Variants in CCDC18 observed in about 807,000 individuals in gnomAD.
The protein encoded by CCDC18 is coiled-coil domain containing 18, also known as coiled-coil domain-containing protein 18.
Under a neutral mutation model 196.0 loss-of-function variants are expected in CCDC18, and 157 were observed. That is an observed-to-expected ratio of 0.80 (90% confidence interval 0.70 to 0.91). The LOEUF (loss-of-function observed/expected upper bound fraction) is 0.91, where lower values mean the gene tolerates loss of function less well. Among genes scored for constraint, CCDC18 ranks in the 40% least tolerant of loss-of-function variants. CCDC18 has a pLI of 0.00. For missense variants in CCDC18, 1,465 were observed against 1,611.6 expected (o/e 0.91, Z 1.56); for synonymous variants, 482 against 529.2 (o/e 0.91, Z 1.22).
chr1:93,221,847 T>A lies in CCDC18; in HGVS notation c.2098-12T>A. On this transcript the variant is annotated splice_polypyrimidine_tract_variant and intron_variant, in intron 15 of 28. Coordinates refer to ENST00000690025, the MANE Select transcript of CCDC18 (RefSeq NM_001378204.1). The stretch of plus-strand genomic sequence containing the variant: ...CAAATCTGCATACTTATACTTTTCT[T>A]ACTGTTTTTAGGAAATGAAAAAGGA... 4 of 1,591,580 alleles carry A rather than the reference T, an allele frequency of 2.5e-6. No individual in the cohort carries two copies. The highest frequency in any genetic ancestry group is 8.6e-7 in the Non-Finnish European group (1 of 1,167,792).
At chr1:93,271,446 T>C in intron 28 of CCDC18, 3 of 985,348 alleles carry the variant, frequency 3.0e-6, no homozygotes, top group Non-Finnish European at 3.6e-6. Flanking sequence ...GCCTTTAATA[T>C]GCTTGCCTGT....
chr1:93,181,240 G>T (rs1364265041), intron 1 of CCDC18, among the ~76,000 whole-genome samples: 1 of 118,160 alleles, frequency 8.5e-6, no homozygotes, highest in Non-Finnish European at 1.6e-5. Flanking sequence ...TGTAAGATTA[G>T]CTGTGTCAAG....
At chr1:93,215,062 G>A in intron 12 of CCDC18, 96 bp downstream of exon 12, 1 of 720,010 alleles carries the variant, frequency 1.4e-6, no homozygotes, top group East Asian at 3.0e-5. Flanking sequence ...TTTACATCCA[G>A]ATTTAAAGTT....
At chr1:93,234,155 CT>C (rs66491830) in intron 18 of CCDC18, among the ~76,000 whole-genome samples, 12,323 of 151,440 alleles carry the variant, frequency 0.081, 1,638 homozygotes, top group African/African-American at 0.28. Context: ...AACAAGTTCA[CT>C]TTTTTTTCTT....
At chr1:93,232,958 G>A (rs1659474916) in intron 18 of CCDC18, among the ~76,000 whole-genome samples, 1 of 151,938 alleles carries the variant, frequency 6.6e-6, no homozygotes, top group Non-Finnish European at 1.5e-5. Flanking sequence ...GCGACAGAGT[G>A]AGACTCCGCC....
At chr1:93,261,633 G>A (rs1217019229) in intron 26 of CCDC18, among the ~76,000 whole-genome samples, 7 of 151,862 alleles carry the variant, frequency 4.6e-5, no homozygotes, top group Non-Finnish European at 1.0e-4. Flanking sequence ...AGCAAGACAT[G>A]GTCCCCCAAG....
chr1:93,236,202 A>G (rs757775718), intron 18 of CCDC18, 46 bp from the exon 19 acceptor site: 10 of 1,485,380 alleles, frequency 6.7e-6, no homozygotes, highest in Middle Eastern at 1.7e-4. Context: ...TTATAAAAGT[A>G]TTTTTCTTCT....
At chr1:93,240,548 G>A (rs1660628789) in intron 21 of CCDC18, among the ~76,000 whole-genome samples, 1 of 152,156 alleles carries the variant, frequency 6.6e-6, no homozygotes, top group Non-Finnish European at 1.5e-5. Context: ...TGTAAAATGT[G>A]AAATAAAAGA....
chr1:93,261,185 T>C (rs993856831), intron 26 of CCDC18, among the ~76,000 whole-genome samples: 2 of 152,254 alleles, frequency 1.3e-5, no homozygotes, highest in African/African-American at 2.4e-5. Context: ...ATCAACAGTA[T>C]TTTTTAATAT....
chr1:93,180,545 C>T (rs1487291193), upstream of CCDC18: 3 of 1,492,760 alleles, frequency 2.0e-6, no homozygotes, highest in African/African-American at 1.4e-5. Flanking sequence ...CTTCCCCCAC[C>T]AATGGGCATC....
At chr1:93,268,116 A>C (rs961273411) in intron 27 of CCDC18, among the ~76,000 whole-genome samples, 3 of 152,176 alleles carry the variant, frequency 2.0e-5, no homozygotes, top group Admixed American at 2.0e-4. Context: ...CTCAGAAATA[A>C]CACCACACAT....
intron 25 of CCDC18, among the ~76,000 whole-genome samples, chr1:93,257,253 A>AC (rs977773757): frequency 1.3e-5 from 2 of 149,524 alleles, no homozygotes; most frequent in African/African-American, 2.5e-5. Context: ...AAAAAAAAAA[A>AC]AAAAAACATG....
intron 14 of CCDC18, among the ~76,000 whole-genome samples, chr1:93,221,089 A>G (rs1266466747): frequency 2.0e-5 from 3 of 152,244 alleles, no homozygotes; most frequent in East Asian, 3.8e-4. Flanking sequence ...TGCAATGAAC[A>G]TACACATGCA....
At chr1:93,245,474 T>A (rs1661387077) in intron 21 of CCDC18, among the ~76,000 whole-genome samples, 1 of 152,166 alleles carries the variant, frequency 6.6e-6, no homozygotes, top group African/African-American at 2.4e-5. Flanking sequence ...ATTTTCAACC[T>A]TTGTCTTATC....
At chr1:93,233,272 A>C (rs1361935907) in intron 18 of CCDC18, among the ~76,000 whole-genome samples, 1 of 152,206 alleles carries the variant, frequency 6.6e-6, no homozygotes, top group Non-Finnish European at 1.5e-5. Context: ...TACCCCTGAA[A>C]GTTCTAAAAT....
Position 93,207,099 on chromosome 1 carries a change from C to T in CCDC18, c.918-8C>T. The stretch of plus-strand genomic sequence containing the variant: ...TTTATTTTCATTTTTATTCTCTTTT[C>T]TTCATAGGCAGTTAAAAGAAGAAAA... On this transcript the variant is annotated splice_polypyrimidine_tract_variant and splice_region_variant and intron_variant, in intron 8 of 28. Transcript: ENST00000690025. 2.2e-6 allele frequency: 3 copies of T among 1,378,586 alleles called. No homozygotes were observed. The highest frequency in any genetic ancestry group is 3.0e-6 in the Non-Finnish European group (3 of 1,007,412). 85.4% of individuals were successfully genotyped at this position (1,378,586 alleles called of 1,614,324 possible).
chr1:93,214,607 T>C (rs781774428), intron 11 of CCDC18, 136 bp from the exon 12 acceptor site: 8 of 587,156 alleles, frequency 1.4e-5, no homozygotes, highest in Non-Finnish European at 2.4e-5. Context: ...CCTTAATGAA[T>C]GTCTCATTCT....
At chr1:93,180,633 C>A (rs185712821), upstream of CCDC18, 2 of 1,335,602 alleles carry the variant, frequency 1.5e-6, no homozygotes, top group Admixed American at 2.4e-5. Flanking sequence ...CCACGATCCC[C>A]GGCAAGCCCC....
chr1:93,181,287 A>G (rs890984351), intron 1 of CCDC18, among the ~76,000 whole-genome samples: 1 of 145,836 alleles, frequency 6.9e-6, no homozygotes, highest in African/African-American at 2.6e-5. Flanking sequence ...TAAAGTTATG[A>G]CTTCTTTCCA....
Sources: gnomAD v4.1 joint callset for allele counts (sites outside exome capture counted in the v4.1 genomes callset) on GRCh38, gnomAD v4.1.1 for gene constraint, MANE v1.5 for transcripts, NCBI Gene and HGNC (gene_info 2026-07-23, HGNC 2026-07-21) for gene names.